The following NNMT variants were observed in gnomAD, a reference collection of about 807,000 sequenced individuals.
NNMT encodes nicotinamide N-methyltransferase.
In NNMT, 10 loss-of-function variants were observed where a neutral mutation model predicts 11.7. The ratio of observed to expected loss-of-function variants is 0.85; its 90% CI spans 0.53 to 1.45. The LOEUF is 1.45. Ranked by LOEUF, NNMT falls within the 40% of genes most tolerant of loss-of-function variation. The pLI is 0.00. For missense variants in NNMT, 381 were observed against 319.4 expected (o/e 1.19, Z -1.47); for synonymous variants, 143 against 133.8 (o/e 1.07, Z -0.48).
At chr11:114,298,292 G>A in intron 2 of NNMT, 134 bp downstream of exon 2, 2 of 709,396 alleles carry the variant, frequency 2.8e-6, no homozygotes, top group Admixed American at 2.6e-5. Flanking sequence ...GAGCAAGAGA[G>A]ATGAGATAGG....
At chr11:114,283,363 G>T (rs1945275710) in intron 2 of NNMT, among the ~76,000 whole-genome samples, 1 of 152,198 alleles carries the variant, frequency 6.6e-6, no homozygotes, top group Non-Finnish European at 1.5e-5. Context: ...CACGTAATGT[G>T]ATAGGGCTTT....
upstream of NNMT, among the ~76,000 whole-genome samples, chr11:114,292,559 G>A (rs1945342642): frequency 6.6e-6 from 1 of 152,192 alleles, no homozygotes; most frequent in South Asian, 2.1e-4. Flanking sequence ...CGTGTGGGAA[G>A]AACAGCCACC....
chr11:114,298,158 G>C lies in NNMT; in HGVS notation c.362G>C (p.Arg121Thr), dbSNP rs1945403099. Residue 121 changes from arginine to threonine, a missense_variant and splice_region_variant, in exon 2 of 3, where the codon AGA (arginine) becomes ACA (threonine). Physicochemically the swap from Arg to Thr is moderately conservative, Grantham distance 71 (BLOSUM62 -1). Coordinates refer to ENST00000299964, the MANE Select transcript of NNMT (RefSeq NM_006169.3). ...VTYVCDLEGN[R>T]VKGPEKEEKL... The stretch of plus-strand genomic sequence containing the variant: ...TATGTGTGTGATCTTGAAGGGAACA[G>C]GTAGAGAAACTGGTGTCTACTTCTT... The C allele has an allele frequency of 6.2e-7, 1 of 1,613,814 alleles. No individual in the cohort carries two copies. The highest frequency in any genetic ancestry group is 8.5e-7 in the Non-Finnish European group (1 of 1,179,892).
intron 2 of NNMT, among the ~76,000 whole-genome samples, chr11:114,288,953 G>A (rs2135263460): frequency 6.6e-6 from 1 of 152,162 alleles, no homozygotes; most frequent in Middle Eastern, 3.4e-3. Flanking sequence ...GTTAGTTGAG[G>A]GGTATTTTCT....
chr11:114,293,832 C>T (rs1591834490), upstream of NNMT, among the ~76,000 whole-genome samples: 2 of 152,206 alleles, frequency 1.3e-5, no homozygotes, highest in African/African-American at 4.8e-5. Context: ...GCTATCAGCA[C>T]TCCCATGTTT....
chr11:114,279,030 G>T (rs767952043), intron 2 of NNMT, among the ~76,000 whole-genome samples: 16 of 152,206 alleles, frequency 1.1e-4, no homozygotes, highest in Non-Finnish European at 1.6e-4. Flanking sequence ...CCCAGGACGA[G>T]GGTGTGTGTC....
rs11214928 is a variant in NNMT, at chr11:114,284,697, T to C, written c.-129-11731T>C. On this transcript the variant is annotated intron_variant, in intron 2 of 4. Coordinates refer to the NNMT transcript ENST00000535401. ...CAGGATGGTCTCGATCTCCTGACCT[T>C]GTGATATGCCCACCTTGGCCTCCCA... Among the ~76,000 whole-genome samples, 928 of 151,372 alleles carry C rather than the reference T, an allele frequency of 6.1e-3. 10 individuals are homozygous for C. Among genetic ancestry groups the C allele is most frequent in the African/African-American group, 0.018 (743 of 41,272 alleles).
intron 2 of NNMT, among the ~76,000 whole-genome samples, chr11:114,299,284 C>T (rs1160679540): frequency 1.3e-5 from 2 of 152,150 alleles, no homozygotes; most frequent in Non-Finnish European, 2.9e-5. Flanking sequence ...ATTTATCAGA[C>T]TAAGTTCTGC....
chr11:114,297,468 G>A (rs1945393049), intron 1 of NNMT: 2 of 135,554 alleles, frequency 1.5e-5, no homozygotes, highest in South Asian at 4.9e-4. Flanking sequence ...CAGGGATTTG[G>A]GGAAAATATG....
intron 1 of NNMT, among the ~76,000 whole-genome samples, chr11:114,258,031 C>T (rs1945044279): frequency 6.6e-6 from 1 of 152,196 alleles, no homozygotes; most frequent in Admixed American, 6.5e-5. Context: ...GACTCAACCC[C>T]TCTCCTCCCT....
intron 2 of NNMT, among the ~76,000 whole-genome samples, chr11:114,263,400 TCTG>T (rs1439839638): frequency 6.6e-6 from 1 of 152,216 alleles, no homozygotes; most frequent in Admixed American, 6.5e-5. Context: ...GACACTCCCT[TCTG>T]GGCAAGCTTA....
rs761849589 is a variant in NNMT, at chr11:114,298,169, T to G, written c.362+11T>G. ...TCTTGAAGGGAACAGGTAGAGAAACTGGTGTCTACTTCTTGGCTTTTGAAG... is the reference window on the plus strand; with the variant it reads ...TCTTGAAGGGAACAGGTAGAGAAACGGGTGTCTACTTCTTGGCTTTTGAAG... On this transcript the variant is annotated intron_variant, in intron 2 of 2. Coordinates refer to ENST00000299964, the MANE Select transcript of NNMT (RefSeq NM_006169.3). The G allele has an allele frequency of 1.9e-6, 3 of 1,612,398 alleles. No individual in the cohort carries two copies. In the African/African-American group the frequency reaches 4.0e-5, roughly 22 times the overall value.
intron 2 of NNMT, among the ~76,000 whole-genome samples, chr11:114,274,477 G>A (rs1262093832): frequency 6.6e-6 from 1 of 152,246 alleles, no homozygotes; most frequent in African/African-American, 2.4e-5. Context: ...ATATGTATGT[G>A]AGCTTGAAGG....
intron 2 of NNMT, among the ~76,000 whole-genome samples, chr11:114,287,818 A>T (rs1022023146): frequency 6.6e-6 from 1 of 152,220 alleles, no homozygotes; most frequent in Non-Finnish European, 1.5e-5. Context: ...TCTATAAATC[A>T]ATTTGGAGAC....
upstream of NNMT, chr11:114,296,233 G>GGTCTACAATCC (rs1945376087): frequency 4.5e-6 from 1 of 223,172 alleles, no homozygotes; most frequent in Non-Finnish European, 8.9e-6. Flanking sequence ...TGCTCCCTCT[G>GGTCTACAATCC]GTCTACAATC....
At chr11:114,297,592 C>A (rs1296365258) in intron 1 of NNMT, among the ~76,000 whole-genome samples, 3 of 150,820 alleles carry the variant, frequency 2.0e-5, no homozygotes, top group African/African-American at 7.3e-5. Context: ...CTCAAGGGAT[C>A]CTTCTGCCTC....
intron 2 of NNMT, among the ~76,000 whole-genome samples, chr11:114,290,500 A>T (rs887171634): frequency 6.6e-6 from 1 of 152,188 alleles, no homozygotes. Flanking sequence ...CAGTGAGGGA[A>T]TGGGGAAGTG....
chr11:114,304,870 C>T (rs908064751), intron 2 of NNMT, among the ~76,000 whole-genome samples: 4 of 152,140 alleles, frequency 2.6e-5, no homozygotes, highest in African/African-American at 9.7e-5. Flanking sequence ...ATAAATAACC[C>T]TCATTTTTAC....
intron 2 of NNMT, among the ~76,000 whole-genome samples, chr11:114,286,622 C>A (rs1214041654): frequency 6.6e-6 from 1 of 152,162 alleles, no homozygotes; most frequent in Non-Finnish European, 1.5e-5. Context: ...GGAGAATCAT[C>A]CATGCTGATG....
Sources: gnomAD v4.1 joint callset for allele counts (sites outside exome capture counted in the v4.1 genomes callset) on GRCh38, gnomAD v4.1.1 for gene constraint, MANE v1.5 for transcripts, NCBI Gene and HGNC (gene_info 2026-07-23, HGNC 2026-07-21) for gene names.